SLC5A10: variants seen among roughly 807,000 people sequenced by gnomAD.
SLC5A10 encodes solute carrier family 5 member 10, also known as sodium/mannose cotransporter SLC5A10.
In SLC5A10, 55 loss-of-function variants were observed where a neutral mutation model predicts 68.9. That is an observed-to-expected ratio of 0.80 (90% CI 0.64 to 1.00). The LOEUF (loss-of-function observed/expected upper bound fraction) is 1.00, where lower values mean the gene tolerates loss of function less well. Ranked by LOEUF, SLC5A10 falls within the 50% of genes least tolerant of loss-of-function variation. The pLI, the probability that SLC5A10 is intolerant of heterozygous loss-of-function variation, is 0.00. For synonymous variants in SLC5A10, 344 were observed against 344.8 expected (o/e 1.00, Z 0.02); for missense variants, 732 against 819.3 (o/e 0.89, Z 1.30).
At position 19,000,201 on chromosome 17, in the gene SLC5A10, G is replaced by C. The variant is rs1326603687; in HGVS notation, c.983-13209G>C. Among the ~76,000 whole-genome samples, 2 of 152,254 alleles carry C rather than the reference G, an allele frequency of 1.3e-5. No individual in the cohort carries two copies. Among genetic ancestry groups the C allele is most frequent in the African/African-American group, 4.8e-5 (2 of 41,548 alleles). The stretch of plus-strand genomic sequence containing the variant: ...GGGCAGGCAGTTGACCTTCCATCTT[G>C]GAGTAGGAGCCCACTAGGGCTGGAG... On this transcript the variant is annotated intron_variant, in intron 9 of 14. Transcript: ENST00000395645. The surrounding 1 kb of genome is among the most constrained non-coding windows in gnomAD (Gnocchi z 5.2).
intron 9 of SLC5A10, chr17:18,977,708 T>TG (rs768167872): frequency 1.2e-6 from 2 of 1,610,034 alleles, no homozygotes; most frequent in Admixed American, 3.4e-5. Context: ...TCGGGTTATA[T>TG]GGGGGGCACT....
In SLC5A10 at chr17:19,017,588, G is replaced by A. The variant is rs867289342; in HGVS notation, c.1242-1835G>A. ...ACAGGCTGGGGGAGAGCGATGACCC[G>A]CCCCCACTCCCGTATGCCTGCCCCA... is the stretch of plus-strand genomic sequence containing the variant. On this transcript the variant is annotated intron_variant, in intron 11 of 14. Coordinates refer to ENST00000395645, the MANE Select transcript of SLC5A10 (RefSeq NM_001042450.4). The surrounding 1 kb of genome is among the most constrained non-coding windows in gnomAD (Gnocchi z 5.6). The A allele has an allele frequency of 2.1e-4, 119 of 571,490 alleles. 1 individual carries two copies. The Middle Eastern group carries it at 4.3e-3, about 21-fold the overall frequency. 35.4% of individuals were successfully genotyped at this position (571,490 alleles called of 1,614,324 possible).
chr17:19,019,023 C>G, intron 11 of SLC5A10: 1 of 199,780 alleles, frequency 5.0e-6, no homozygotes, highest in Admixed American at 5.6e-5. Context: ...GGCTCCTGCT[C>G]TCCTGGTGCT....
At chr17:19,009,826 G>A (rs2043976861) in intron 9 of SLC5A10, among the ~76,000 whole-genome samples, 1 of 152,104 alleles carries the variant, frequency 6.6e-6, no homozygotes, top group South Asian at 2.1e-4. Flanking sequence ...TAGAGTTATT[G>A]GTGCTGTGGA....
intron 9 of SLC5A10, among the ~76,000 whole-genome samples, chr17:19,006,838 A>G (rs999095353): frequency 6.6e-6 from 1 of 152,212 alleles, no homozygotes; most frequent in African/African-American, 2.4e-5. Context: ...CCAGCAAGTC[A>G]TCCAGGTTGT....
At chr17:18,964,061 C>T (rs1320893010) in intron 5 of SLC5A10, among the ~76,000 whole-genome samples, 1 of 152,206 alleles carries the variant, frequency 6.6e-6, no homozygotes, top group African/African-American at 2.4e-5. Context: ...TGGATATCCA[C>T]GTGGCTCCCT....
rs547355040 is a variant in SLC5A10, at chr17:18,958,961, C to T, written c.184-174C>T. Among the ~76,000 whole-genome samples the T allele has an allele frequency of 2.3e-4, 35 of 152,200 alleles. 1 individual carries two copies. Among genetic ancestry groups the T allele is most frequent in the South Asian group, 6.2e-4 (3 of 4,830 alleles). On this transcript the variant is annotated intron_variant, in intron 2 of 14. Coordinates refer to ENST00000395645, the MANE Select transcript of SLC5A10 (RefSeq NM_001042450.4). ...GGCTATGGAGTCTGAAACTTACATC[C>T]GCTCCTTAGCTGTGCAGCTAGTCAT...
At position 18,962,168 on chromosome 17, in the gene SLC5A10, C is replaced by A. The variant is rs191095523; in HGVS notation, c.453+1516C>A. On this transcript the variant is annotated intron_variant, in intron 5 of 14. Coordinates refer to ENST00000395645, the MANE Select transcript of SLC5A10 (RefSeq NM_001042450.4). ...GGATACAGAAATAAACAAGACCTGG[C>A]CCTGGTCTGCCAGGGGCTCGCACTG... is the stretch of plus-strand genomic sequence containing the variant. 1.1e-4 allele frequency among the ~76,000 whole-genome samples: 16 copies of A among 152,336 alleles called. 1 individual carries two copies. The highest frequency in any genetic ancestry group is 3.8e-4 in the African/African-American group (16 of 41,568).
chr17:18,960,822 C>G (rs2042600027), intron 5 of SLC5A10, among the ~76,000 whole-genome samples, 170 bp downstream of exon 5: 1 of 152,190 alleles, frequency 6.6e-6, no homozygotes, highest in Non-Finnish European at 1.5e-5. Flanking sequence ...CGAGTCTGGA[C>G]AGGTAGTCCA....
intron 9 of SLC5A10, among the ~76,000 whole-genome samples, chr17:18,998,033 T>C (rs1181210666): frequency 6.6e-6 from 1 of 152,254 alleles, no homozygotes; most frequent in Non-Finnish European, 1.5e-5. Flanking sequence ...CTGGGGCTCA[T>C]GCCTGGGTCC....
intron 9 of SLC5A10, among the ~76,000 whole-genome samples, chr17:18,997,594 A>G (rs1394023034): frequency 6.6e-6 from 1 of 152,228 alleles, no homozygotes; most frequent in Non-Finnish European, 1.5e-5. Context: ...AAGCATCCTA[A>G]TGCCCCAGAA....
rs2043003890 is a variant in SLC5A10, at chr17:18,977,278, A to G, written c.982+289A>G. 5.2e-6 allele frequency: 3 copies of G among 579,628 alleles called. No individual in the cohort carries two copies. The South Asian group carries it at 6.7e-5, about 13-fold the overall frequency. The allele number at this position is 579,628 out of a possible 1,614,324, so 35.9% of individuals were successfully genotyped here. On this transcript the variant is annotated intron_variant, in intron 9 of 14. Transcript: ENST00000395645. ...CTGCAAACTAGGGACTGTGCCACCC[A>G]TCTGGCAGGTGCCATCAAGATCCTC...
intron 9 of SLC5A10, chr17:18,979,048 T>G: frequency 1.6e-6 from 1 of 614,666 alleles, no homozygotes; most frequent in Non-Finnish European, 2.8e-6. Flanking sequence ...ACCAAGCCCA[T>G]TCCCACCTCT....
intron 9 of SLC5A10, among the ~76,000 whole-genome samples, chr17:18,980,812 C>T (rs1390504360): frequency 6.6e-6 from 1 of 152,118 alleles, no homozygotes; most frequent in African/African-American, 2.4e-5. Flanking sequence ...CCTGGGTGCC[C>T]TGAGGGTCTG....
At chr17:18,952,099 G>C (rs529237461), upstream of SLC5A10, 25 of 1,481,330 alleles carry the variant, frequency 1.7e-5, no homozygotes, top group African/African-American at 2.6e-4. Flanking sequence ...AGATGCCACT[G>C]TCCGCTTGGT....
intron 9 of SLC5A10, among the ~76,000 whole-genome samples, chr17:18,999,050 C>T (rs1323246566): frequency 2.6e-5 from 4 of 152,170 alleles, no homozygotes; most frequent in South Asian, 2.1e-4. Flanking sequence ...GAGGCAGAGG[C>T]GGGTGGATCA....
chr17:18,966,530 G>A (rs975915691), intron 5 of SLC5A10, among the ~76,000 whole-genome samples: 4 of 152,154 alleles, frequency 2.6e-5, no homozygotes, highest in South Asian at 2.1e-4. Context: ...TTGGGAGGCC[G>A]AGGTGGGTGG....
rs1005655952 is a variant in SLC5A10, at chr17:19,017,767, T to C, written c.1242-1656T>C. 5.1e-6 allele frequency: 1 copy of C among 194,804 alleles called. No individual in the cohort carries two copies. The highest frequency in any genetic ancestry group is 2.3e-5 in the African/African-American group (1 of 42,672). 12.1% of individuals were successfully genotyped at this position (194,804 alleles called of 1,614,324 possible). A position where few individuals can be genotyped will look rare whatever the true frequency, so the allele number is the denominator to read the frequency against. On this transcript the variant is annotated intron_variant, in intron 11 of 14. Coordinates refer to ENST00000395645, the MANE Select transcript of SLC5A10 (RefSeq NM_001042450.4). This position sits in a 1 kb window ranked among gnomAD's most constrained non-coding sequence, Gnocchi z 5.6. ...AGATCTCAGACACCCCTCCTTGAGA[T>C]GTTCCACAGTAACTGTGGCTGCAGC...
intron 8 of SLC5A10, among the ~76,000 whole-genome samples, chr17:18,972,220 C>T (rs1368257323): frequency 2.0e-5 from 3 of 152,178 alleles, no homozygotes; most frequent in Non-Finnish European, 4.4e-5. Flanking sequence ...TGGGCAGCTC[C>T]AGGGAGCATG....
Sources: gnomAD v4.1 joint callset for allele counts (sites outside exome capture counted in the v4.1 genomes callset) on GRCh38, gnomAD v4.1.1 for gene constraint, Gnocchi (gnomAD v3.1) non-coding constraint, MANE v1.5 for transcripts, NCBI Gene and HGNC (gene_info 2026-07-23, HGNC 2026-07-21) for gene names.